The following PLSCR2 variants were observed in gnomAD, a reference collection of about 807,000 sequenced individuals.
The protein encoded by PLSCR2 is phospholipid scramblase 2.
PLSCR2 carries 18 observed loss-of-function variants against 25.3 expected under a neutral mutation model. The ratio of observed to expected loss-of-function variants is 0.71; its 90% CI spans 0.49 to 1.06. The LOEUF (loss-of-function observed/expected upper bound fraction) is 1.06. PLSCR2 is among the 50% of genes least tolerant of loss of function. The probability of loss-of-function intolerance (pLI) is 0.00; values close to 1 mark genes in which losing one functional copy is unlikely to be tolerated. For missense variants in PLSCR2, 243 were observed against 269.5 expected (o/e 0.90, Z 0.69); for synonymous variants, 88 against 87.3 (o/e 1.01, Z -0.04).
At chr3:146,474,753 C>T (rs1481852875) in intron 1 of PLSCR2, among the ~76,000 whole-genome samples, 1 of 151,966 alleles carries the variant, frequency 6.6e-6, no homozygotes, top group Admixed American at 6.6e-5. Context: ...TTTCATTCTC[C>T]CTGTCTCCTC....
upstream of PLSCR2, among the ~76,000 whole-genome samples, chr3:146,461,476 C>T (rs927377398): frequency 6.6e-6 from 1 of 152,036 alleles, no homozygotes; most frequent in Non-Finnish European, 1.5e-5. Flanking sequence ...TTACAGTTAA[C>T]TTCTGGAAGA....
At chr3:146,409,877 G>C (rs1292494577) in intron 2 of PLSCR2, among the ~76,000 whole-genome samples, 1 of 152,084 alleles carries the variant, frequency 6.6e-6, no homozygotes, top group African/African-American at 2.4e-5. Context: ...TGGAAAAACA[G>C]AATTAACCAG....
At chr3:146,474,468 C>T (rs2042219478) in intron 1 of PLSCR2, among the ~76,000 whole-genome samples, 1 of 152,150 alleles carries the variant, frequency 6.6e-6, no homozygotes, top group African/African-American at 2.4e-5. Flanking sequence ...GGCTCCCACT[C>T]TCTTCTGGCT....
intron 3 of PLSCR2, among the ~76,000 whole-genome samples, chr3:146,392,140 C>T (rs1293623768): frequency 6.6e-6 from 1 of 152,044 alleles, no homozygotes; most frequent in Non-Finnish European, 1.5e-5. Flanking sequence ...CATACTCACA[C>T]ATTTTATGTT....
intron 2 of PLSCR2, among the ~76,000 whole-genome samples, chr3:146,418,690 A>T (rs1559979060): frequency 1.3e-5 from 2 of 152,168 alleles, no homozygotes. Context: ...CTCTGCCCTC[A>T]GAATCATTCT....
upstream of PLSCR2, among the ~76,000 whole-genome samples, chr3:146,460,660 G>A (rs76178677): frequency 2.0e-3 from 311 of 152,290 alleles, 1 homozygote; most frequent in African/African-American, 7.1e-3. Context: ...GATATTGTCA[G>A]CTGGTTGATA....
intron 1 of PLSCR2, among the ~76,000 whole-genome samples, chr3:146,476,390 A>G (rs1365350015): frequency 6.6e-6 from 1 of 152,212 alleles, no homozygotes; most frequent in Non-Finnish European, 1.5e-5. Flanking sequence ...TGTGCAACCC[A>G]TGGATCATGA....
chr3:146,472,185 C>T (rs975800757), intron 1 of PLSCR2, among the ~76,000 whole-genome samples: 11 of 152,284 alleles, frequency 7.2e-5, no homozygotes, highest in African/African-American at 2.6e-4. Context: ...CCTTCTGGTT[C>T]ACAGCCAATT....
chr3:146,458,362 A>T, intron 3 of PLSCR2, 49 bp downstream of exon 3: 1 of 1,428,508 alleles, frequency 7.0e-7, no homozygotes, highest in Non-Finnish European at 9.4e-7. Flanking sequence ...CTTTATTTGC[A>T]TAAACTTCTT....
intron 2 of PLSCR2, among the ~76,000 whole-genome samples, chr3:146,410,790 TAGAC>T (rs1249923674): frequency 2.0e-5 from 3 of 152,204 alleles, no homozygotes; most frequent in Non-Finnish European, 4.4e-5. Flanking sequence ...TATTTTTTAT[TAGAC>T]AGACAAGGGG....
At chr3:146,474,644 G>A (rs988660346) in intron 1 of PLSCR2, among the ~76,000 whole-genome samples, 2 of 151,996 alleles carry the variant, frequency 1.3e-5, no homozygotes, top group Non-Finnish European at 2.9e-5. Flanking sequence ...TATCTTAATG[G>A]TGTTCTCTGT....
At chr3:146,423,773 A>T (rs1287072800) in intron 2 of PLSCR2, among the ~76,000 whole-genome samples, 1 of 152,078 alleles carries the variant, frequency 6.6e-6, no homozygotes, top group African/African-American at 2.4e-5. Context: ...CAGTGGAAAC[A>T]TTTGCTGGTT....
upstream of PLSCR2, among the ~76,000 whole-genome samples, chr3:146,460,644 G>C (rs1221745698): frequency 6.6e-6 from 1 of 152,184 alleles, no homozygotes; most frequent in Non-Finnish European, 1.5e-5. Flanking sequence ...AACTGGAGGA[G>C]AGACTGATAT....
At chr3:146,439,145 C>T (rs1199617292), downstream of PLSCR2, among the ~76,000 whole-genome samples, 1 of 152,228 alleles carries the variant, frequency 6.6e-6, no homozygotes, top group African/African-American at 2.4e-5. Context: ...GAGAGATCTG[C>T]TGTTAGTCTG....
chr3:146,408,947 T>C (rs2038749925), intron 2 of PLSCR2, among the ~76,000 whole-genome samples: 1 of 151,932 alleles, frequency 6.6e-6, no homozygotes, highest in African/African-American at 2.4e-5. Context: ...GTCTATTGGC[T>C]GATGTGAGGA....
rs924524423 is a variant in PLSCR2 at position 146,469,512 on chromosome 3, C to A, written c.-292-9228G>T. The A allele has an allele frequency of 5.1e-6, 5 of 985,270 alleles. No homozygotes were observed. In the African/African-American group the frequency reaches 8.7e-5, roughly 17 times the overall value. The allele number at this position is 985,270 out of a possible 1,614,324, so 61.0% of individuals were successfully genotyped here. A position where few individuals can be genotyped will look rare whatever the true frequency, so the allele number is the denominator to read the frequency against. On this transcript the variant is annotated intron_variant, in intron 1 of 8. Transcript: ENST00000336685. ...CCCCTTACCCGTGGCTGCAGCTGCT[C>A]CCGCACAGCCCTGAGCGAGCCGAGG... is the stretch of plus-strand genomic sequence containing the variant.
At chr3:146,441,985 C>T (rs1465146319) in intron 6 of PLSCR2, among the ~76,000 whole-genome samples, 164 bp from the exon 7 acceptor site, 1 of 151,960 alleles carries the variant, frequency 6.6e-6, no homozygotes, top group African/African-American at 2.4e-5. Flanking sequence ...AGTTCTCTAC[C>T]TTCAGCTATC....
At chr3:146,454,225 C>T (rs2041069138) in intron 4 of PLSCR2, 62 bp from the exon 5 acceptor site, 7 of 1,151,312 alleles carry the variant, frequency 6.1e-6, no homozygotes, top group Non-Finnish European at 7.3e-6. Flanking sequence ...CTAATAATAG[C>T]TCTAATTTAC....
At chr3:146,456,146 A>T (rs2041205811) in intron 3 of PLSCR2, among the ~76,000 whole-genome samples, 1 of 152,194 alleles carries the variant, frequency 6.6e-6, no homozygotes, top group Admixed American at 6.5e-5. Flanking sequence ...ATCCTAAGTG[A>T]GCTCTGCACC....
Sources: gnomAD v4.1 joint callset for allele counts (sites outside exome capture counted in the v4.1 genomes callset) on GRCh38, gnomAD v4.1.1 for gene constraint, MANE v1.5 for transcripts, NCBI Gene and HGNC (gene_info 2026-07-23, HGNC 2026-07-21) for gene names.